Variants in OR9G4 observed in about 807,000 individuals in gnomAD.
The protein encoded by OR9G4 is olfactory receptor 9G4.
In OR9G4, 19 loss-of-function variants were observed where a neutral mutation model predicts 16.7. The ratio of observed to expected loss-of-function variants is 1.14; its 90% CI spans 0.79 to 1.67. OR9G4 has a LOEUF of 1.67. Among genes scored for constraint, OR9G4 ranks in the 40% most tolerant of loss-of-function variants. The probability of loss-of-function intolerance (pLI) is 0.00; values close to 1 mark genes in which losing one functional copy is unlikely to be tolerated. For missense variants in OR9G4, 428 were observed against 370.4 expected (o/e 1.16, Z -1.28); for synonymous variants, 182 against 146.2 (o/e 1.24, Z -1.76).
Position 56,742,702 on chromosome 11 carries a change from G to A in OR9G4, c.*126C>T. ...ACAAACGAATAACAAGGAGTCATGT[G>A]GTCAATATTTTAATGTTTTAAATAT... On this transcript the variant is annotated 3_prime_UTR_variant, in exon 2 of 2. Coordinates refer to ENST00000641668, the MANE Select transcript of OR9G4 (RefSeq NM_001005284.2). 1.3e-6 allele frequency: 1 copy of A among 771,790 alleles called. No homozygotes were observed. Among genetic ancestry groups the A allele is most frequent in the South Asian group, 1.8e-5 (1 of 56,290 alleles). 47.8% of individuals were successfully genotyped at this position (771,790 alleles called of 1,614,324 possible). A position where few individuals can be genotyped will look rare whatever the true frequency, so the allele number is the denominator to read the frequency against.
intron 1 of OR9G4, among the ~76,000 whole-genome samples, chr11:56,744,219 C>A (rs1858368368): frequency 1.3e-5 from 2 of 152,206 alleles, no homozygotes; most frequent in South Asian, 4.1e-4. Flanking sequence ...GGGCACCTAC[C>A]ACCACACCAA....
chr11:56,745,203 A>T (rs1287243217), intron 1 of OR9G4, among the ~76,000 whole-genome samples: 1 of 152,242 alleles, frequency 6.6e-6, no homozygotes, highest in Non-Finnish European at 1.5e-5. Context: ...CTAAGTTTAT[A>T]CAAATAAGCA....
chr11:56,744,816 G>A (rs1318460825), intron 1 of OR9G4, among the ~76,000 whole-genome samples: 1 of 152,142 alleles, frequency 6.6e-6, no homozygotes, highest in Non-Finnish European at 1.5e-5. Flanking sequence ...ACTGCAAGTT[G>A]TCCCCCAAAC....
chr11:56,747,033 C>T (rs541679426), intron 1 of OR9G4, among the ~76,000 whole-genome samples: 1 of 152,206 alleles, frequency 6.6e-6, no homozygotes, highest in Admixed American at 6.5e-5. Context: ...CCAATTTATT[C>T]CAAGTTAAAA....
chr11:56,747,558 A>G (rs2135063422), intron 1 of OR9G4, among the ~76,000 whole-genome samples: 1 of 152,326 alleles, frequency 6.6e-6, no homozygotes, highest in South Asian at 2.1e-4. Context: ...TTATTGCTGT[A>G]TTCCAGCACA....
At position 56,741,970 on chromosome 11, in the gene OR9G4, A is replaced by C. The variant is rs1362732477; in HGVS notation, c.*858T>G. On this transcript the variant is annotated 3_prime_UTR_variant, in exon 2 of 2. Transcript: ENST00000641668. ...TTTTCAGGGTTTCAGGCATCGATCT[A>C]AACAAGTTTACCAGTTCTTAGGAAT... is the stretch of plus-strand genomic sequence containing the variant. 6.6e-6 allele frequency: 1 copy of C among 152,284 alleles called. No homozygotes were observed. Among genetic ancestry groups the C allele is most frequent in the East Asian group, 1.9e-4 (1 of 5,200 alleles). The allele number at this position is 152,284 out of a possible 1,614,324, so 9.4% of individuals were successfully genotyped here.
intron 1 of OR9G4, among the ~76,000 whole-genome samples, chr11:56,746,966 G>A (rs775882445): frequency 2.8e-4 from 43 of 152,182 alleles, no homozygotes; most frequent in Non-Finnish European, 5.4e-4. Flanking sequence ...AACAGCCAGT[G>A]TAGGCCATTA....
intron 1 of OR9G4, among the ~76,000 whole-genome samples, chr11:56,745,114 A>G (rs962793388): frequency 6.6e-6 from 1 of 152,206 alleles, no homozygotes; most frequent in African/African-American, 2.4e-5. Flanking sequence ...ACAAAATTTT[A>G]ACTATCATTA....
intron 1 of OR9G4, among the ~76,000 whole-genome samples, chr11:56,746,419 T>C (rs1201499305): frequency 6.6e-6 from 1 of 152,220 alleles, no homozygotes; most frequent in African/African-American, 2.4e-5. Flanking sequence ...CATGAAGCTC[T>C]TTGAGAACTT....
intron 1 of OR9G4, among the ~76,000 whole-genome samples, chr11:56,745,789 A>T (rs1254512532): frequency 6.6e-6 from 1 of 151,400 alleles, no homozygotes; most frequent in Admixed American, 6.6e-5. Context: ...AAAAAAAAAA[A>T]GAAGGAAAAA....
rs373807567 is a variant in OR9G4, at chr11:56,743,693, G to A, written c.74C>T (p.Pro25Leu). ...CATCAGAAACACTCCAAATAGAATC[G>A]GCTGCCACTGGGAATCTGCTGAGAA... ...LGFSADSQWQ[P>L]ILFGVFLMLY... The change falls in exon 2 of 2, where the codon CCG (proline) becomes CTG (leucine). Residue 25 changes from proline to leucine, a missense_variant. Coordinates refer to ENST00000641668, the MANE Select transcript of OR9G4 (RefSeq NM_001005284.2). 58 of 1,614,094 alleles carry A rather than the reference G, an allele frequency of 3.6e-5. No homozygotes were observed. The highest frequency in any genetic ancestry group is 5.0e-5 in the Admixed American group (3 of 60,018).
chr11:56,744,703 G>A lies in OR9G4; in HGVS notation c.-22-915C>T, dbSNP rs114533554. ...GCCTGGATTTCAAGAAGCTTTTTAT[G>A]TTTCTCTTCTCACTTTTAAAATCCT... is the stretch of plus-strand genomic sequence containing the variant. On this transcript the variant is annotated intron_variant, in intron 1 of 1. Transcript: ENST00000641668. 7.0e-3 allele frequency among the ~76,000 whole-genome samples: 1,070 copies of A among 152,210 alleles called. 11 individuals carry two copies. Among genetic ancestry groups the A allele is most frequent in the African/African-American group, 0.024 (1,011 of 41,536 alleles).
rs148438744 is a variant in OR9G4 at position 56,743,449 on chromosome 11, A to G, written c.318T>C (p.Val106=). ...GGAGATAGCATTCAGTGTAGGCTAC[A>G]ACACAGGAAAAAAACAGCTGAGCCC... The part of the protein sequence containing the change: ...GCGAQLFFSC[V]VAYTECYLLA... The change falls in exon 2 of 2, where the codon GTT becomes GTC. Residue 106 remains valine (V), a synonymous_variant. Transcript: ENST00000641668. 1 of 1,614,124 alleles carries G rather than the reference A, an allele frequency of 6.2e-7. No individual in the cohort carries two copies. The highest frequency in any genetic ancestry group is 1.3e-5 in the African/African-American group (1 of 75,028).
chr11:56,742,831 T>C lies in OR9G4; in HGVS notation c.936A>G (p.Thr312=). ...GCATTTGCAAAGAGAATAACCTTCATGTTTGTGGTTGTATAGTCTGTGTTG... is the reference window on the plus strand; with the variant it reads ...GCATTTGCAAAGAGAATAACCTTCACGTTTGTGGTTGTATAGTCTGTGTTG... ...RKATQTIQPQ[T] The change falls in exon 2 of 2, where the codon ACA becomes ACG. Residue 312 remains threonine (T), a synonymous_variant. Transcript: ENST00000641668. The C allele has an allele frequency of 1.2e-6, 2 of 1,609,932 alleles. No individual in the cohort carries two copies. Among genetic ancestry groups the C allele is most frequent in the Non-Finnish European group, 1.7e-6 (2 of 1,178,098 alleles).
chr11:56,743,944 C>T (rs556012686), intron 1 of OR9G4, 156 bp from the exon 2 acceptor site: 79 of 794,798 alleles, frequency 9.9e-5, no homozygotes, highest in Non-Finnish European at 1.5e-4. Flanking sequence ...GGAAAAATTA[C>T]TGGAATTGGA....
rs71470125 is a variant in OR9G4, at chr11:56,746,292, CAAAAAAAAAAAAAAA to C, written c.-23+2349_-23+2363del. On this transcript the variant is annotated intron_variant, in intron 1 of 1. Transcript: ENST00000641668. Reference sequence around the variant, plus strand: ...TGGGCGACAGAGCGAGACTCCGTCTCAAAAAAAAAAAAAAAAAAAAAAAAAATACAATCCTATGAA... The same window carrying C: ...TGGGCGACAGAGCGAGACTCCGTCTCAAAAAAAAAAATACAATCCTATGAA... 5.7e-5 allele frequency among the ~76,000 whole-genome samples: 4 copies of C among 70,558 alleles called. No homozygotes were observed. In the Admixed American group the frequency reaches 7.4e-4, roughly 13 times the overall value. The allele number at this position is 70,558 out of a possible 152,430, so 46.3% of individuals were successfully genotyped here.
rs184463192 is a variant in OR9G4 at position 56,742,691 on chromosome 11, A to G, written c.*137T>C. On this transcript the variant is annotated 3_prime_UTR_variant, in exon 2 of 2. Coordinates refer to ENST00000641668, the MANE Select transcript of OR9G4 (RefSeq NM_001005284.2). ...TTTACATCATAACAAACGAATAACA[A>G]GGAGTCATGTGGTCAATATTTTAAT... The G allele has an allele frequency of 6.6e-4, 468 of 713,150 alleles. 1 individual carries two copies. Among genetic ancestry groups the G allele is most frequent in the Non-Finnish European group, 1.0e-3 (428 of 426,952 alleles). 44.2% of individuals were successfully genotyped at this position (713,150 alleles called of 1,614,324 possible). A position where few individuals can be genotyped will look rare whatever the true frequency, so the allele number is the denominator to read the frequency against.
chr11:56,747,712 TCACC>T (rs34803019), intron 1 of OR9G4, among the ~76,000 whole-genome samples: 34,214 of 151,832 alleles, frequency 0.23, 3,938 homozygotes, highest in Middle Eastern at 0.3. Context: ...TCTCACACTG[TCACC>T]CAGGCTGGAC....
Position 56,742,871 on chromosome 11 carries a change from T to C in OR9G4, c.896A>G (p.Glu299Gly). Residue 299 changes from glutamate to glycine, a missense_variant, in exon 2 of 2, where the codon GAG becomes GGG. Transcript: ENST00000641668. Reference sequence around the variant, plus strand: ...AGTCTGTGTTGCTTTCCTGAAGGCCTCTTTGATATCTTTGTTTCTCAGGCT... The same window carrying C: ...AGTCTGTGTTGCTTTCCTGAAGGCCCCTTTGATATCTTTGTTTCTCAGGCT... ...IYSLRNKDIKEAFRKATQTIQ... is the reference protein window; with the variant it reads ...IYSLRNKDIKGAFRKATQTIQ... 1.9e-6 allele frequency: 3 copies of C among 1,614,056 alleles called. No individual in the cohort carries two copies. The highest frequency in any genetic ancestry group is 2.5e-6 in the Non-Finnish European group (3 of 1,179,916).
Sources: allele counts gnomAD v4.1 joint callset (sites outside exome capture counted in the v4.1 genomes callset), GRCh38; gene constraint gnomAD v4.1.1; transcripts MANE v1.5; gene names NCBI Gene and HGNC (gene_info 2026-07-23, HGNC 2026-07-21).